Variants in ZNF846 observed in about 807,000 individuals in gnomAD.
ZNF846 encodes zinc finger protein 846.
A neutral mutation model predicts 16.0 loss-of-function variants in ZNF846; 15 were observed. The observed-to-expected ratio is 0.94, with a 90% confidence interval of 0.63 to 1.45. ZNF846 has a LOEUF of 1.45. Ranked by LOEUF, ZNF846 falls within the 40% of genes most tolerant of loss-of-function variation. The pLI, the probability that ZNF846 is intolerant of heterozygous loss-of-function variation, is 0.00. For synonymous variants in ZNF846, 229 were observed against 212.0 expected (o/e 1.08, Z -0.70); for missense variants, 714 against 622.3 (o/e 1.15, Z -1.57).
rs184040228 is a variant in ZNF846, at chr19:9,766,358, G to A, written c.-85-1323C>T. 1.7e-4 allele frequency among the ~76,000 whole-genome samples: 25 copies of A among 146,838 alleles called. No individual in the cohort carries two copies. The East Asian group carries it at 2.2e-3, about 13-fold the overall frequency. On this transcript the variant is annotated intron_variant, in intron 1 of 5. Transcript: ENST00000397902. Reference sequence around the variant, plus strand: ...GAACCAGGAAGACAGAAATTACAGTGAGCCAAGATTGCGCCACTGCACTCC... The same window carrying A: ...GAACCAGGAAGACAGAAATTACAGTAAGCCAAGATTGCGCCACTGCACTCC...
chr19:9,753,309 T>C (rs2045103693), downstream of ZNF846, among the ~76,000 whole-genome samples: 2 of 151,070 alleles, frequency 1.3e-5, no homozygotes, highest in South Asian at 2.1e-4. Context: ...TGGAATGCAG[T>C]GGTGTGATCT....
chr19:9,751,993 G>A (rs2045087601), downstream of ZNF846: 1 of 152,258 alleles, frequency 6.6e-6, no homozygotes, highest in African/African-American at 2.4e-5. Flanking sequence ...ATGAGATCTT[G>A]CGGGGTGCAG....
At chr19:9,760,065 G>A in intron 4 of ZNF846, 123 bp from the exon 5 acceptor site, 1 of 630,878 alleles carries the variant, frequency 1.6e-6, no homozygotes, top group Non-Finnish European at 2.8e-6. Flanking sequence ...GCCTAGATAG[G>A]TGGCTTACCT....
chr19:9,763,821 T>C (rs80113176), intron 2 of ZNF846, among the ~76,000 whole-genome samples: 18,430 of 152,214 alleles, frequency 0.12, 1,368 homozygotes, highest in Admixed American at 0.23. Flanking sequence ...ACAAGCATGA[T>C]TGAGGATCAG....
In ZNF846 at chr19:9,757,711, C is replaced by T. The variant is rs753812125; in HGVS notation, c.1366G>A (p.Gly456Ser). 40 of 1,613,132 alleles carry T rather than the reference C, an allele frequency of 2.5e-5. No homozygotes were observed. The highest frequency in any genetic ancestry group is 1.2e-4 in the African/African-American group (9 of 74,408). ...TTTGTGGAACGAGCAAATGCTTTAC[C>T]GCATTCCTTACATTCACAGGCCTTT... The change falls in exon 6 of 6, where the codon GGT (glycine) becomes AGT (serine). Residue 456 changes from glycine to serine, a missense_variant. Transcript: ENST00000397902.
downstream of ZNF846, chr19:9,755,503 G>T (rs1396359175): frequency 1.3e-5 from 2 of 151,462 alleles, no homozygotes; most frequent in Non-Finnish European, 2.9e-5. Context: ...AATATGTACT[G>T]CTAAAAGTAT....
chr19:9,770,800 C>T (rs1446007423), upstream of ZNF846, among the ~76,000 whole-genome samples: 1 of 151,732 alleles, frequency 6.6e-6, no homozygotes, highest in Non-Finnish European at 1.5e-5. Flanking sequence ...ACCTGGGAGG[C>T]GGAGGTTGCA....
At chr19:9,758,625 A>G (rs1342757877) in exon 6 of ZNF846, 29 of 1,613,142 alleles carry the variant, frequency 1.8e-5, no homozygotes, top group Non-Finnish European at 2.5e-5. Flanking sequence ...GTTCTTTCTT[A>G]AGGCTTTTCC....
At chr19:9,756,345 G>GTGTATGTATATA (rs1321690890), downstream of ZNF846, 9 of 81,768 alleles carry the variant, frequency 1.1e-4, no homozygotes, top group African/African-American at 5.5e-4. Context: ...GTGTGTGTGT[G>GTGTATGTATATA]TATATATATA....
exon 6 of ZNF846, chr19:9,758,133 C>A: frequency 3.7e-6 from 6 of 1,613,618 alleles, no homozygotes; most frequent in Non-Finnish European, 5.1e-6. Flanking sequence ...GGCTTTTCCA[C>A]ATTCCATACA....
At chr19:9,770,187 A>C (rs978139939), upstream of ZNF846, among the ~76,000 whole-genome samples, 1 of 152,112 alleles carries the variant, frequency 6.6e-6, no homozygotes, top group Non-Finnish European at 1.5e-5. Flanking sequence ...GAACATTTTC[A>C]TGACCACAAA....
chr19:9,770,417 T>C (rs1055862141), upstream of ZNF846, among the ~76,000 whole-genome samples: 8 of 152,164 alleles, frequency 5.3e-5, no homozygotes, highest in Admixed American at 4.6e-4. Context: ...AATTTTTTTT[T>C]ACTAAATAAG....
intron 1 of ZNF846, among the ~76,000 whole-genome samples, chr19:9,777,016 A>G (rs2045450950): frequency 6.6e-6 from 1 of 151,794 alleles, no homozygotes; most frequent in South Asian, 2.1e-4. Context: ...GGTTGGCACA[A>G]TTTCACCGGG....
intron 1 of ZNF846, among the ~76,000 whole-genome samples, chr19:9,781,851 T>C (rs971411376): frequency 6.6e-6 from 1 of 150,954 alleles, no homozygotes; most frequent in African/African-American, 2.4e-5. Flanking sequence ...CGATCTTGAC[T>C]CACTACAACC....
At chr19:9,764,151 G>C (rs371871084) in intron 2 of ZNF846, among the ~76,000 whole-genome samples, 2 of 152,138 alleles carry the variant, frequency 1.3e-5, no homozygotes, top group Non-Finnish European at 2.9e-5. Flanking sequence ...CAGATGCATG[G>C]GGGGTGCCTG....
intron 3 of ZNF846, 59 bp from the exon 4 acceptor site, chr19:9,762,227 A>G: frequency 7.6e-7 from 1 of 1,320,502 alleles, no homozygotes; most frequent in Non-Finnish European, 1.1e-6. Context: ...CATGTCCTTC[A>G]ATGGGGAACC....
chr19:9,773,182 T>G (rs896407382), upstream of ZNF846, among the ~76,000 whole-genome samples: 3 of 152,154 alleles, frequency 2.0e-5, no homozygotes. Flanking sequence ...CAACACTCAT[T>G]TATTATTATT....
At chr19:9,750,932 G>A (rs2045078718), downstream of ZNF846, among the ~76,000 whole-genome samples, 1 of 152,162 alleles carries the variant, frequency 6.6e-6, no homozygotes, top group Non-Finnish European at 1.5e-5. Flanking sequence ...TTAATGAAGA[G>A]TGTTTGTTTA....
At position 9,780,060 on chromosome 19, in the gene ZNF846, GT is replaced by G. The variant is rs573248147; in HGVS notation, c.-86+5877del. ...CCCAGCTAATTTTGTTTTTTTTTTT[GT>G]TTTTTTTTTTGTAGAGATGAGGTCT... is the stretch of plus-strand genomic sequence containing the variant. On this transcript the variant is annotated intron_variant, in intron 1 of 4. Transcript: ENST00000586814. Among the ~76,000 whole-genome samples the G allele has an allele frequency of 1.3e-4, 16 of 122,980 alleles. 1 individual carries two copies. In the East Asian group the frequency reaches 1.4e-3, roughly 10 times the overall value. The allele number at this position is 122,980 out of a possible 152,430, so 80.7% of individuals were successfully genotyped here. A position where few individuals can be genotyped will look rare whatever the true frequency, so the allele number is the denominator to read the frequency against.
Sources: allele counts gnomAD v4.1 joint callset (sites outside exome capture counted in the v4.1 genomes callset), GRCh38; gene constraint gnomAD v4.1.1; transcripts MANE v1.5; gene names NCBI Gene and HGNC (gene_info 2026-07-23, HGNC 2026-07-21).